Variants in COL24A1 observed in about 807,000 individuals in gnomAD.
COL24A1 encodes collagen type XXIV alpha 1 chain.
COL24A1 carries 224 observed loss-of-function variants against 253.9 expected under a neutral mutation model. That is an observed-to-expected ratio of 0.88 (90% confidence interval 0.79 to 0.99). COL24A1 has a LOEUF of 0.99. COL24A1 is among the 50% of genes least tolerant of loss of function. The pLI is 0.00. For synonymous variants in COL24A1, 685 were observed against 673.7 expected (o/e 1.02, Z -0.26); for missense variants, 2,131 against 2,068.5 (o/e 1.03, Z -0.59).
intron 24 of COL24A1, among the ~76,000 whole-genome samples, chr1:85,926,104 G>A (rs1277958338): frequency 2.0e-5 from 3 of 152,182 alleles, no homozygotes; most frequent in Non-Finnish European, 4.4e-5. Flanking sequence ...TCAGAGAAAT[G>A]CAAATCAAAA....
At chr1:86,021,139 G>A (rs1002737419) in intron 18 of COL24A1, among the ~76,000 whole-genome samples, 15 of 152,136 alleles carry the variant, frequency 9.9e-5, no homozygotes, top group African/African-American at 3.4e-4. Flanking sequence ...TGAGATGGAA[G>A]GGTAGAGTTA....
chr1:86,051,852 T>C (rs1447200669), intron 10 of COL24A1, among the ~76,000 whole-genome samples: 3 of 152,070 alleles, frequency 2.0e-5, no homozygotes, highest in African/African-American at 7.2e-5. Context: ...CTGAGTTTGA[T>C]ATAAAGAGGA....
At chr1:86,071,857 G>A (rs1303824316) in intron 7 of COL24A1, among the ~76,000 whole-genome samples, 2 of 152,118 alleles carry the variant, frequency 1.3e-5, no homozygotes, top group African/African-American at 4.8e-5. Context: ...AGCCCATGGA[G>A]GGCAAGCAGA....
At chr1:86,037,232 C>T (rs1699104296) in intron 12 of COL24A1, among the ~76,000 whole-genome samples, 1 of 152,172 alleles carries the variant, frequency 6.6e-6, no homozygotes, top group African/African-American at 2.4e-5. Context: ...ATTCCCATTT[C>T]CCAGTGTTCA....
At chr1:85,885,401 T>A (rs1010322860) in intron 32 of COL24A1, among the ~76,000 whole-genome samples, 18 of 121,020 alleles carry the variant, frequency 1.5e-4, no homozygotes, top group Non-Finnish European at 2.5e-4. Context: ...ATATATATTT[T>A]TTTTTTAAGT....
intron 32 of COL24A1, among the ~76,000 whole-genome samples, chr1:85,877,429 C>T (rs1226642142): frequency 6.6e-6 from 1 of 152,198 alleles, no homozygotes; most frequent in Non-Finnish European, 1.5e-5. Flanking sequence ...ATGGTGCAGT[C>T]TCCACTCACT....
At chr1:85,868,721 T>A in intron 36 of COL24A1, 61 bp downstream of exon 36, 2 of 1,407,442 alleles carry the variant, frequency 1.4e-6, no homozygotes, top group Admixed American at 4.0e-5. Context: ...CAATGATGTC[T>A]AATATTTTAA....
At chr1:85,955,635 C>T (rs569373895) in intron 24 of COL24A1, among the ~76,000 whole-genome samples, 2 of 152,334 alleles carry the variant, frequency 1.3e-5, no homozygotes, top group South Asian at 4.1e-4. Context: ...AAATGAGCCA[C>T]ACCCCTATTG....
chr1:85,881,937 A>G (rs1681893562), intron 32 of COL24A1, among the ~76,000 whole-genome samples: 1 of 152,116 alleles, frequency 6.6e-6, no homozygotes, highest in East Asian at 1.9e-4. Flanking sequence ...TTAGATTACT[A>G]ATCTTAAGTA....
chr1:85,904,783 C>T (rs1427024682), intron 28 of COL24A1, among the ~76,000 whole-genome samples: 1 of 152,030 alleles, frequency 6.6e-6, no homozygotes, highest in Non-Finnish European at 1.5e-5. Context: ...GTTTTCCTGT[C>T]CTTTGGAAAA....
chr1:85,742,759 C>T (rs1312048985), intron 57 of COL24A1, among the ~76,000 whole-genome samples: 2 of 152,084 alleles, frequency 1.3e-5, no homozygotes, highest in Non-Finnish European at 2.9e-5. Flanking sequence ...AACCCACATC[C>T]AATCTATCAA....
chr1:86,033,398 G>A (rs1050427494), intron 13 of COL24A1, among the ~76,000 whole-genome samples: 1 of 152,062 alleles, frequency 6.6e-6, no homozygotes, highest in African/African-American at 2.4e-5. Flanking sequence ...ATTCTTTGAT[G>A]ATATAATTAA....
intron 26 of COL24A1, 63 bp downstream of exon 26, chr1:85,909,887 C>G: frequency 7.4e-7 from 1 of 1,358,232 alleles, no homozygotes; most frequent in South Asian, 1.2e-5. Context: ...AATTCCATCT[C>G]TGGAACGACT....
intron 53 of COL24A1, 39 bp downstream of exon 53, chr1:85,775,635 T>A (rs1015661870): frequency 6.4e-7 from 1 of 1,557,874 alleles, no homozygotes. Flanking sequence ...TATAGCCTAG[T>A]GTCAGGGTTA....
chr1:86,078,295 G>T lies in COL24A1; in HGVS notation c.1707+10879C>A, dbSNP rs140895287. On this transcript the variant is annotated intron_variant, in intron 7 of 59. Transcript: ENST00000370571. ...TACCCTCAAAAACTGGATATAAACG[G>T]AATATACCTTTTCATAATAAAAGCC... 2.5e-3 allele frequency among the ~76,000 whole-genome samples: 374 copies of T among 152,126 alleles called. 10 individuals carry two copies. In the East Asian group the frequency reaches 0.046, roughly 19 times the overall value.
intron 24 of COL24A1, among the ~76,000 whole-genome samples, chr1:85,919,008 A>G (rs970132644): frequency 2.6e-5 from 4 of 152,162 alleles, no homozygotes; most frequent in African/African-American, 9.7e-5. Context: ...TTCTCTATGT[A>G]ACTTCAAATA....
chr1:86,097,330 C>T (rs1021855819), intron 5 of COL24A1, among the ~76,000 whole-genome samples: 2 of 151,988 alleles, frequency 1.3e-5, no homozygotes, highest in African/African-American at 4.8e-5. Flanking sequence ...CATTCTTTCT[C>T]AATCTTGTTG....
intron 24 of COL24A1, among the ~76,000 whole-genome samples, chr1:85,914,720 G>A (rs953812609): frequency 1.3e-5 from 2 of 152,102 alleles, no homozygotes; most frequent in African/African-American, 2.4e-5. Context: ...AACATAAGAC[G>A]TATTGACCTT....
At chr1:86,138,134 C>T (rs189188302) in intron 2 of COL24A1, among the ~76,000 whole-genome samples, 2 of 152,240 alleles carry the variant, frequency 1.3e-5, no homozygotes, top group Admixed American at 6.5e-5. Flanking sequence ...GCTTTAAACC[C>T]GTGTATTGAT....
Sources: allele counts gnomAD v4.1 joint callset (sites outside exome capture counted in the v4.1 genomes callset), GRCh38; gene constraint gnomAD v4.1.1; transcripts MANE v1.5; gene names NCBI Gene and HGNC (gene_info 2026-07-23, HGNC 2026-07-21).